SELP: variants seen among roughly 807,000 people sequenced by gnomAD.
SELP encodes selectin P, also known as P-selectin.
SELP carries 92 observed loss-of-function variants against 104.1 expected under a neutral mutation model. The observed-to-expected ratio is 0.88, with a 90% CI of 0.75 to 1.05. SELP has a LOEUF of 1.05. Ranked by LOEUF, SELP falls within the 50% of genes least tolerant of loss-of-function variation. The pLI is 0.00. For synonymous variants in SELP, 397 were observed against 364.5 expected (o/e 1.09, Z -1.01); for missense variants, 1,022 against 1,017.3 (o/e 1.00, Z -0.06).
chr1:169,630,029 A>G, intron 1 of SELP, 43 bp downstream of exon 1: 2 of 1,613,860 alleles, frequency 1.2e-6, no homozygotes, highest in South Asian at 2.2e-5. Flanking sequence ...ATACCACTCC[A>G]ACTCACTTCA....
At chr1:169,627,627 AG>A (rs1663437307) in intron 1 of SELP, among the ~76,000 whole-genome samples, 1 of 152,202 alleles carries the variant, frequency 6.6e-6, no homozygotes, top group South Asian at 2.1e-4. Flanking sequence ...CCTACTCTCT[AG>A]GTTTAGGTCC....
chr1:169,628,075 T>C (rs1056175951), intron 1 of SELP, among the ~76,000 whole-genome samples: 2 of 152,172 alleles, frequency 1.3e-5, no homozygotes, highest in African/African-American at 4.8e-5. Flanking sequence ...TTTGTAAGTT[T>C]AGTAAATATG....
In SELP at chr1:169,617,303, G is replaced by A; in HGVS notation, c.206C>T (p.Ala69Val). The stretch of plus-strand genomic sequence containing the variant: ...ATCAATTTCATTTTTATTCTGGATG[G>A]CCACTAAGTCTGTGTAGCGATTCTG... The part of the protein sequence containing the change: ...YCQNRYTDLV[A>V]IQNKNEIDYL... The change falls in exon 3 of 17, where the codon GCC becomes GTC. Residue 69 changes from alanine (A) to valine (V), a missense_variant. Physicochemically the swap from Ala to Val is moderately conservative, Grantham distance 64. Transcript: ENST00000263686. 6.2e-7 allele frequency: 1 copy of A among 1,614,022 alleles called. No individual in the cohort carries two copies. The highest frequency in any genetic ancestry group is 8.5e-7 in the Non-Finnish European group (1 of 1,179,998).
intron 10 of SELP, among the ~76,000 whole-genome samples, 161 bp downstream of exon 10, chr1:169,602,865 A>G (rs1290266443): frequency 6.6e-6 from 1 of 152,224 alleles, no homozygotes; most frequent in Non-Finnish European, 1.5e-5. Context: ...AGCTATTAAA[A>G]TATTATTTAA....
intron 6 of SELP, among the ~76,000 whole-genome samples, 153 bp downstream of exon 6, chr1:169,612,064 C>T (rs1443244859): frequency 6.6e-6 from 1 of 152,140 alleles, no homozygotes; most frequent in Non-Finnish European, 1.5e-5. Context: ...TTTCTCATCT[C>T]AGATGAACCC....
rs3917798 is a variant in SELP, at chr1:169,597,885, G to A, written c.1706-709C>T. ...CCACTAATCCTCCAGGATTTAACTC[G>A]TAAAGTCTCTGAAGACTCTGCTGAT... On this transcript the variant is annotated intron_variant, in intron 10 of 16. Transcript: ENST00000263686. 4.0e-3 allele frequency among the ~76,000 whole-genome samples: 602 copies of A among 152,204 alleles called. 8 individuals carry two copies. The highest frequency in any genetic ancestry group is 0.014 in the African/African-American group (567 of 41,546).
chr1:169,593,836 T>G, intron 13 of SELP, 112 bp from the exon 14 acceptor site: 1 of 1,046,398 alleles, frequency 9.6e-7, no homozygotes, highest in Non-Finnish European at 1.4e-6. Flanking sequence ...TCAAGTAGGA[T>G]CACCAAAGGT....
chr1:169,602,972 C>T (rs2101885087), intron 10 of SELP, 54 bp downstream of exon 10: 1 of 1,435,262 alleles, frequency 7.0e-7, no homozygotes, highest in East Asian at 2.3e-5. Context: ...TGATGATTCT[C>T]CATTCTCTGA....
intron 14 of SELP, 82 bp downstream of exon 14, chr1:169,593,523 G>A: frequency 1.6e-6 from 2 of 1,253,970 alleles, no homozygotes; most frequent in Non-Finnish European, 2.2e-6. Flanking sequence ...TGTGGTTTTT[G>A]CCTCCCCACC....
chr1:169,620,568 A>T (rs1168466461), intron 1 of SELP, among the ~76,000 whole-genome samples: 1 of 152,152 alleles, frequency 6.6e-6, no homozygotes, highest in East Asian at 1.9e-4. Context: ...CAGTTTTGTC[A>T]CTATCCCAGC....
At chr1:169,628,321 A>G (rs569577511) in intron 1 of SELP, among the ~76,000 whole-genome samples, 1 of 152,370 alleles carries the variant, frequency 6.6e-6, no homozygotes, top group African/African-American at 2.4e-5. Flanking sequence ...TCATTTTCTC[A>G]GGTCCTAAAA....
At chr1:169,607,608 A>C (rs1662267113) in intron 8 of SELP, among the ~76,000 whole-genome samples, 1 of 152,164 alleles carries the variant, frequency 6.6e-6, no homozygotes, top group African/African-American at 2.4e-5. Context: ...TATGATGTTA[A>C]ATAAAAAATC....
In SELP at chr1:169,619,227, AAGAAG is replaced by A. The variant is rs1662973311; in HGVS notation, c.4-13_4-9del. ...GGCTATTTGGCAGTTGGCCTGAAAC[AAGAAG>A]AGAAAACTTTCTTTTAGTATCCATA... On this transcript the variant is annotated splice_polypyrimidine_tract_variant and intron_variant, in intron 1 of 16. Transcript: ENST00000263686. The A allele has an allele frequency of 6.2e-7, 1 of 1,611,042 alleles. No homozygotes were observed.
intron 15 of SELP, 56 bp from the exon 16 acceptor site, chr1:169,590,258 C>A: frequency 8.2e-7 from 1 of 1,223,586 alleles, no homozygotes; most frequent in South Asian, 1.2e-5. Flanking sequence ...CTCGACAACA[C>A]AGTCCAACAC....
chr1:169,612,782 G>A lies in SELP; in HGVS notation c.775+147C>T, dbSNP rs548372801. The A allele has an allele frequency of 6.4e-6, 4 of 624,326 alleles. No individual in the cohort carries two copies. In the East Asian group the frequency reaches 8.3e-5, roughly 13 times the overall value. The allele number at this position is 624,326 out of a possible 1,614,324, so 38.7% of individuals were successfully genotyped here. A position where few individuals can be genotyped will look rare whatever the true frequency, so the allele number is the denominator to read the frequency against. The stretch of plus-strand genomic sequence containing the variant: ...GAAAATTGAAATTAATGTTACTCTG[G>A]TTGACAGTTAACAGTGATAACCAGA... On this transcript the variant is annotated intron_variant, in intron 5 of 16. Coordinates refer to ENST00000263686, the MANE Select transcript of SELP (RefSeq NM_003005.4).
chr1:169,595,970 A>C lies in SELP; in HGVS notation c.2056T>G (p.Cys686Gly), dbSNP rs753906440. Residue 686 changes from cysteine (C) to glycine (G), a missense_variant, in exon 12 of 17, where the codon TGC (cysteine) becomes GGC (glycine). Cys to Gly is a radical substitution (Grantham distance 159, BLOSUM62 -3). Transcript: ENST00000263686. ...FTLIGDSTLSCRPSGQWTAVT... is the reference protein window; with the variant it reads ...FTLIGDSTLSGRPSGQWTAVT... ...GCTGTCCATTGTCCTGAAGGTCTGC[A>C]GCTGAGAGTGCTGTCTCCTATGAGT... 1.2e-5 allele frequency: 19 copies of C among 1,613,886 alleles called. 1 individual carries two copies. The African/African-American group carries it at 2.1e-4, about 18-fold the overall frequency.
At chr1:169,617,981 A>G (rs1662908246) in intron 2 of SELP, among the ~76,000 whole-genome samples, 2 of 151,966 alleles carry the variant, frequency 1.3e-5, no homozygotes, top group Non-Finnish European at 1.5e-5. Flanking sequence ...TACTCCACCT[A>G]TTCTCCATGG....
chr1:169,606,859 G>T, intron 9 of SELP, 90 bp downstream of exon 9: 4 of 1,164,458 alleles, frequency 3.4e-6, no homozygotes, highest in Non-Finnish European at 5.0e-6. Context: ...TTTCAAGGTG[G>T]ATCTTACATA....
At chr1:169,610,888 T>C (rs180941214) in intron 7 of SELP, among the ~76,000 whole-genome samples, 1 of 152,286 alleles carries the variant, frequency 6.6e-6, no homozygotes, top group Admixed American at 6.5e-5. Flanking sequence ...GGTTCAGAAG[T>C]GTTAAGTGAC....
Sources: allele counts gnomAD v4.1 joint callset (sites outside exome capture counted in the v4.1 genomes callset), GRCh38; gene constraint gnomAD v4.1.1; transcripts MANE v1.5; gene names NCBI Gene and HGNC (gene_info 2026-07-23, HGNC 2026-07-21).